The following FBXL20 variants were observed in gnomAD, a reference collection of about 807,000 sequenced individuals.
FBXL20 encodes F-box and leucine rich repeat protein 20, also known as F-box/LRR-repeat protein 20.
In FBXL20, 11 loss-of-function variants were observed where a neutral mutation model predicts 64.0. The ratio of observed to expected loss-of-function variants is 0.17; its 90% CI spans 0.11 to 0.28. The LOEUF (loss-of-function observed/expected upper bound fraction) is 0.28. Ranked by LOEUF, FBXL20 falls within the 10% of genes least tolerant of loss-of-function variation. The pLI is 1.00. For missense variants in FBXL20, 303 were observed against 526.2 expected (o/e 0.58, Z 4.15); for synonymous variants, 184 against 189.0 (o/e 0.97, Z 0.22).
intron 2 of FBXL20, among the ~76,000 whole-genome samples, chr17:39,327,020 A>G (rs1016622451): frequency 6.6e-6 from 1 of 151,784 alleles, no homozygotes; most frequent in African/African-American, 2.4e-5. Context: ...AGCTGGGATT[A>G]CAGGCATGTG....
chr17:39,355,445 C>T (rs1402321202), intron 1 of FBXL20, among the ~76,000 whole-genome samples: 1 of 152,168 alleles, frequency 6.6e-6, no homozygotes, highest in Non-Finnish European at 1.5e-5. Flanking sequence ...ATACTTTCTC[C>T]CATGTCACCC....
intron 2 of FBXL20, among the ~76,000 whole-genome samples, chr17:39,316,440 G>A (rs1315271979): frequency 1.3e-5 from 2 of 152,070 alleles, no homozygotes; most frequent in Non-Finnish European, 2.9e-5. Flanking sequence ...AGGAATCAGG[G>A]CTCCTTGGAG....
chr17:39,351,595 GA>G (rs1464657842), intron 1 of FBXL20, among the ~76,000 whole-genome samples: 2 of 152,140 alleles, frequency 1.3e-5, no homozygotes, highest in Non-Finnish European at 2.9e-5. Flanking sequence ...ACAATCTTGT[GA>G]AGGATTTTCA....
chr17:39,335,483 T>G (rs1428649213), intron 2 of FBXL20, among the ~76,000 whole-genome samples: 1 of 148,006 alleles, frequency 6.8e-6, no homozygotes, highest in African/African-American at 2.5e-5. Flanking sequence ...CTTGGGAGGC[T>G]GAGGCAGGGG....
intron 2 of FBXL20, 89 bp downstream of exon 2, chr17:39,343,091 T>C (rs1271976174): frequency 2.4e-6 from 2 of 838,096 alleles, no homozygotes; most frequent in Non-Finnish European, 3.7e-6. Flanking sequence ...ACTATACATA[T>C]ATGAAAATTA....
At position 39,309,293 on chromosome 17, in the gene FBXL20, C is replaced by T. The variant is rs149373060; in HGVS notation, c.105-5654G>A. Among the ~76,000 whole-genome samples, 155 of 152,246 alleles carry T rather than the reference C, an allele frequency of 1.0e-3. 1 individual carries two copies. Among genetic ancestry groups the T allele is most frequent in the African/African-American group, 3.4e-3 (142 of 41,562 alleles). On this transcript the variant is annotated intron_variant, in intron 2 of 14. Coordinates refer to ENST00000264658, the MANE Select transcript of FBXL20 (RefSeq NM_032875.3). ...ACCCCGACCACTGTTTTTGAGTTAT[C>T]GTCTATAATTCAGACTGAGTCCTGA...
At chr17:39,265,347 G>A in intron 13 of FBXL20, 50 bp downstream of exon 13, 2 of 1,432,594 alleles carry the variant, frequency 1.4e-6, no homozygotes, top group Non-Finnish European at 2.0e-6. Flanking sequence ...TGTAGCACTG[G>A]CTTTTGATTA....
At chr17:39,281,526 A>G in intron 8 of FBXL20, 63 bp from the exon 9 acceptor site, 1 of 1,392,102 alleles carries the variant, frequency 7.2e-7, no homozygotes, top group Non-Finnish European at 1.0e-6. Flanking sequence ...AAAGAGATTT[A>G]AGAATGTACA....
At chr17:39,347,223 G>A (rs2047642317) in intron 1 of FBXL20, among the ~76,000 whole-genome samples, 1 of 152,184 alleles carries the variant, frequency 6.6e-6, no homozygotes, top group Non-Finnish European at 1.5e-5. Flanking sequence ...GGATCGCTGG[G>A]TCAAATGGTT....
intron 2 of FBXL20, among the ~76,000 whole-genome samples, chr17:39,310,667 G>A (rs1161979898): frequency 2.0e-5 from 3 of 151,934 alleles, no homozygotes; most frequent in Non-Finnish European, 4.4e-5. Flanking sequence ...TGGGCAACAC[G>A]GTGAGACCCT....
At chr17:39,272,698 T>A (rs2046855371) in intron 10 of FBXL20, among the ~76,000 whole-genome samples, 1 of 43,370 alleles carries the variant, frequency 2.3e-5, no homozygotes, top group African/African-American at 9.8e-5. Flanking sequence ...CCAAACTCTA[T>A]CTCAAAAAAA....
chr17:39,342,895 C>CA (rs913504398), intron 2 of FBXL20, among the ~76,000 whole-genome samples: 2 of 151,710 alleles, frequency 1.3e-5, no homozygotes, highest in Non-Finnish European at 2.9e-5. Flanking sequence ...ACCAAACAAA[C>CA]AAAAAACCTA....
Position 39,267,316 on chromosome 17 carries a change from C to A in FBXL20, c.933+1511G>T, listed in dbSNP as rs112616879. Among the ~76,000 whole-genome samples the A allele has an allele frequency of 4.3e-3, 651 of 151,914 alleles. 7 individuals are homozygous for A. Among genetic ancestry groups the A allele is most frequent in the African/African-American group, 0.015 (618 of 41,448 alleles). On this transcript the variant is annotated intron_variant, in intron 12 of 14. Coordinates refer to ENST00000264658, the MANE Select transcript of FBXL20 (RefSeq NM_032875.3). Reference sequence around the variant, plus strand: ...TGAGCGGTAACAGCAAGAAAAAAAACAGTCTGAGCGATAACAGCAAGACCC... The same window carrying A: ...TGAGCGGTAACAGCAAGAAAAAAAAAAGTCTGAGCGATAACAGCAAGACCC...
intron 1 of FBXL20, among the ~76,000 whole-genome samples, chr17:39,348,504 C>A (rs1010507072): frequency 1.3e-5 from 2 of 151,982 alleles, no homozygotes; most frequent in Admixed American, 6.6e-5. Context: ...GTTGACCAGG[C>A]TGGTCTGAAA....
At position 39,275,053 on chromosome 17, in the gene FBXL20, C is replaced by T. The variant is rs930404827; in HGVS notation, c.744G>A (p.Lys248=). 6.2e-7 allele frequency: 1 copy of T among 1,614,040 alleles called. No individual in the cohort carries two copies. The change falls in exon 10 of 15, where the codon AAG becomes AAA. Residue 248 remains lysine, a synonymous_variant. Transcript: ENST00000264658. ...GLITICRGCH[K]LQSLCASGCS... is the part of the protein sequence containing the mutation. ...AGCCAGAGGCACAAAGGGATTGTAA[C>T]TTATGGCACCCTCTGCATATAGTAA...
chr17:39,288,132 T>A (rs2047005685), intron 6 of FBXL20, among the ~76,000 whole-genome samples: 1 of 151,826 alleles, frequency 6.6e-6, no homozygotes, highest in Admixed American at 6.6e-5. Context: ...CCCAGCTAAT[T>A]TTTTTTGTAG....
At chr17:39,331,004 T>C (rs1184062294) in intron 2 of FBXL20, among the ~76,000 whole-genome samples, 3 of 152,248 alleles carry the variant, frequency 2.0e-5, no homozygotes, top group Non-Finnish European at 4.4e-5. Flanking sequence ...TCTTGTAGCA[T>C]ACCTGAATCA....
chr17:39,314,591 C>A (rs534453469), intron 2 of FBXL20, among the ~76,000 whole-genome samples: 1 of 152,134 alleles, frequency 6.6e-6, no homozygotes, highest in South Asian at 2.1e-4. Flanking sequence ...GAACTCCCAA[C>A]CTCTAGTGAT....
intron 6 of FBXL20, among the ~76,000 whole-genome samples, chr17:39,287,061 T>G (rs1667934651): frequency 6.6e-6 from 1 of 151,402 alleles, no homozygotes; most frequent in Non-Finnish European, 1.5e-5. Context: ...TACAGGCGCC[T>G]GCCACCATGC....
Sources: gnomAD v4.1 joint callset for allele counts (sites outside exome capture counted in the v4.1 genomes callset) on GRCh38, gnomAD v4.1.1 for gene constraint, MANE v1.5 for transcripts, NCBI Gene and HGNC (gene_info 2026-07-23, HGNC 2026-07-21) for gene names.